The following NTNG1 variants were observed in gnomAD, a reference collection of about 807,000 sequenced individuals.
NTNG1 encodes netrin-G1.
NTNG1 carries 16 observed loss-of-function variants against 54.0 expected under a neutral mutation model. The observed-to-expected ratio is 0.30, with a 90% CI of 0.20 to 0.45. NTNG1 has a LOEUF of 0.45. Ranked by LOEUF, NTNG1 falls within the 20% of genes least tolerant of loss-of-function variation. NTNG1 has a pLI of 1.00. For synonymous variants in NTNG1, 255 were observed against 263.1 expected, an observed-to-expected ratio of 0.97 and a Z score of 0.30; for missense variants, 530 against 678.7, an observed-to-expected ratio of 0.78 and a Z score of 2.43.
chr1:107,302,734 C>A (rs1666403676), intron 2 of NTNG1, among the ~76,000 whole-genome samples: 1 of 152,104 alleles, frequency 6.6e-6, no homozygotes, highest in Non-Finnish European at 1.5e-5. Flanking sequence ...ATGACATCAA[C>A]ATACCAGAAT....
intron 4 of NTNG1, 72 bp from the exon 5 acceptor site, chr1:107,407,610 T>C: frequency 8.0e-7 from 1 of 1,251,422 alleles, no homozygotes; most frequent in Non-Finnish European, 1.1e-6. Context: ...CTAAGATTTT[T>C]ATATTAAGTT....
intron 1 of NTNG1, among the ~76,000 whole-genome samples, chr1:107,145,039 G>A (rs999413593): frequency 2.6e-5 from 4 of 151,934 alleles, no homozygotes; most frequent in African/African-American, 9.7e-5. Context: ...TCAGTTATGG[G>A]CCAGAAGGGA....
At position 107,261,439 on chromosome 1, in the gene NTNG1, A is replaced by C. The variant is rs544104586; in HGVS notation, c.247-62843A>C. Among the ~76,000 whole-genome samples, 19 of 152,156 alleles carry C rather than the reference A, an allele frequency of 1.2e-4. No homozygotes were observed. The South Asian group carries it at 1.5e-3, about 12-fold the overall frequency. ...CTGGCAGTTAAAACTTTTTGTCTGC[A>C]TGTTTCACAGGATTTAAAAAAAAAA... On this transcript the variant is annotated intron_variant, in intron 2 of 7. Transcript: ENST00000370068.
At chr1:107,475,253 A>G (rs1678240546) in intron 7 of NTNG1, among the ~76,000 whole-genome samples, 1 of 152,206 alleles carries the variant, frequency 6.6e-6, no homozygotes, top group African/African-American at 2.4e-5. Flanking sequence ...GCACTGTGCA[A>G]TATTATTTAC....
At chr1:107,282,193 C>A (rs1664907138) in intron 2 of NTNG1, among the ~76,000 whole-genome samples, 2 of 152,166 alleles carry the variant, frequency 1.3e-5, no homozygotes, top group Admixed American at 1.3e-4. Context: ...CCATAAACCA[C>A]TTTGGTTTGT....
intron 2 of NTNG1, among the ~76,000 whole-genome samples, chr1:107,232,574 G>T (rs1406741047): frequency 6.6e-6 from 1 of 152,102 alleles, no homozygotes; most frequent in Admixed American, 6.6e-5. Context: ...TTTGTTGCTG[G>T]TTTGGGACCT....
At chr1:107,313,917 A>C (rs1667175673) in intron 2 of NTNG1, among the ~76,000 whole-genome samples, 1 of 152,180 alleles carries the variant, frequency 6.6e-6, no homozygotes, top group African/African-American at 2.4e-5. Context: ...CCATTTGTTT[A>C]TCTTTTATCT....
chr1:107,419,444 TAGAC>T (rs1447676868), intron 5 of NTNG1, among the ~76,000 whole-genome samples: 10 of 138,978 alleles, frequency 7.2e-5, no homozygotes, highest in African/African-American at 2.6e-4. Flanking sequence ...ACAACACTGA[TAGAC>T]AGAAATGTGA....
intron 3 of NTNG1, among the ~76,000 whole-genome samples, chr1:107,345,829 T>C (rs977973224): frequency 1.3e-5 from 2 of 152,194 alleles, no homozygotes; most frequent in Non-Finnish European, 2.9e-5. Context: ...GTATGTGACA[T>C]GGTGAGCAAT....
At chr1:107,394,609 T>C (rs558768990) in intron 3 of NTNG1, among the ~76,000 whole-genome samples, 23 of 152,314 alleles carry the variant, frequency 1.5e-4, no homozygotes, top group African/African-American at 5.3e-4. Flanking sequence ...TGAGGAAATG[T>C]CATTTTAGAG....
intron 2 of NTNG1, among the ~76,000 whole-genome samples, chr1:107,200,501 A>AG (rs11408537): frequency 1 from 151,489 of 151,736 alleles, 75,621 homozygotes; most frequent in Middle Eastern, 1. Flanking sequence ...GGGGAACATT[A>AG]GGGAACATGT....
At chr1:107,170,331 C>T (rs1656127324) in intron 2 of NTNG1, among the ~76,000 whole-genome samples, 1 of 152,076 alleles carries the variant, frequency 6.6e-6, no homozygotes, top group South Asian at 2.1e-4. Flanking sequence ...TTTTCTTGGG[C>T]CACATCAATG....
intron 2 of NTNG1, among the ~76,000 whole-genome samples, chr1:107,185,908 G>A (rs1244045251): frequency 6.6e-6 from 1 of 152,076 alleles, no homozygotes; most frequent in Non-Finnish European, 1.5e-5. Flanking sequence ...GGGTAAAAGT[G>A]CAGTTTTGTT....
At chr1:107,443,267 C>A (rs1253207722) in intron 7 of NTNG1, among the ~76,000 whole-genome samples, 4 of 152,140 alleles carry the variant, frequency 2.6e-5, no homozygotes, top group Non-Finnish European at 5.9e-5. Context: ...ATACTTCCCA[C>A]TAACCGTGTT....
At chr1:107,424,115 A>T (rs1435209855) in intron 5 of NTNG1, among the ~76,000 whole-genome samples, 1 of 152,298 alleles carries the variant, frequency 6.6e-6, no homozygotes, top group African/African-American at 2.4e-5. Flanking sequence ...CTATGAAAAA[A>T]TATAAACAAG....
chr1:107,141,399 G>C (rs1653684230), intron 1 of NTNG1: 1 of 149,926 alleles, frequency 6.7e-6, no homozygotes, highest in Non-Finnish European at 1.5e-5. Flanking sequence ...GGCTGCGCAG[G>C]GCCGCCGCCC....
chr1:107,323,549 A>G (rs973464392), intron 2 of NTNG1, among the ~76,000 whole-genome samples: 18 of 151,432 alleles, frequency 1.2e-4, no homozygotes, highest in African/African-American at 4.1e-4. Flanking sequence ...CAGCCTCCTA[A>G]CTGAGTAGTA....
intron 2 of NTNG1, among the ~76,000 whole-genome samples, chr1:107,204,276 C>T (rs993933303): frequency 2.0e-5 from 3 of 152,104 alleles, no homozygotes; most frequent in African/African-American, 7.2e-5. Flanking sequence ...CGTTGAGTCA[C>T]GACTGTGAAT....
chr1:107,433,487 A>T (rs1057086848), intron 6 of NTNG1, among the ~76,000 whole-genome samples: 1 of 152,198 alleles, frequency 6.6e-6, no homozygotes, highest in Non-Finnish European at 1.5e-5. Context: ...TAGAGGTTGC[A>T]GTGAGCTGAG....
Sources: allele counts gnomAD v4.1 joint callset (sites outside exome capture counted in the v4.1 genomes callset), GRCh38; gene constraint gnomAD v4.1.1; transcripts MANE v1.5; gene names NCBI Gene and HGNC (gene_info 2026-07-23, HGNC 2026-07-21).